Variants in FHIT observed in about 807,000 individuals in gnomAD.
FHIT encodes fragile histidine triad diadenosine triphosphatase, also known as bis(5'-adenosyl)-triphosphatase.
FHIT carries 19 observed loss-of-function variants against 17.9 expected under a neutral mutation model. The ratio of observed to expected loss-of-function variants is 1.06; its 90% CI spans 0.74 to 1.56. The LOEUF (loss-of-function observed/expected upper bound fraction) is 1.56, where lower values mean the gene tolerates loss of function less well. Ranked by LOEUF, FHIT falls within the 40% of genes most tolerant of loss-of-function variation. The probability of loss-of-function intolerance (pLI) is 0.00; values close to 1 mark genes in which losing one functional copy is unlikely to be tolerated. For missense variants in FHIT, 248 were observed against 189.2 expected, an observed-to-expected ratio of 1.31 and a Z score of -1.82; for synonymous variants, 81 against 69.7, an observed-to-expected ratio of 1.16 and a Z score of -0.81.
chr3:61,027,868 T>C (rs1035562322), intron 3 of FHIT, among the ~76,000 whole-genome samples: 1 of 152,220 alleles, frequency 6.6e-6, no homozygotes, highest in Non-Finnish European at 1.5e-5. Flanking sequence ...ACATGTTACA[T>C]GTCCTTTATA....
chr3:60,130,207 T>A (rs1289468402), intron 5 of FHIT, among the ~76,000 whole-genome samples: 1 of 152,228 alleles, frequency 6.6e-6, no homozygotes, highest in Non-Finnish European at 1.5e-5. Flanking sequence ...AGCTGTGTGA[T>A]ACGTGCCATG....
intron 5 of FHIT, among the ~76,000 whole-genome samples, chr3:60,215,307 T>C (rs1485401758): frequency 1.3e-5 from 2 of 152,060 alleles, no homozygotes. Flanking sequence ...CTGGCCAATA[T>C]GGTGAAACTA....
intron 7 of FHIT, among the ~76,000 whole-genome samples, chr3:59,947,110 T>C (rs902359861): frequency 1.3e-5 from 2 of 152,188 alleles, no homozygotes; most frequent in East Asian, 3.9e-4. Flanking sequence ...TTTATATGTC[T>C]AGTAGAATTT....
chr3:61,131,856 G>C (rs1398614972), intron 2 of FHIT, among the ~76,000 whole-genome samples: 1 of 152,136 alleles, frequency 6.6e-6, no homozygotes, highest in Non-Finnish European at 1.5e-5. Flanking sequence ...TGTCAGAACG[G>C]GATTAACAGG....
chr3:60,024,924 A>G (rs1235451778), intron 5 of FHIT, among the ~76,000 whole-genome samples: 1 of 152,218 alleles, frequency 6.6e-6, no homozygotes, highest in Non-Finnish European at 1.5e-5. Context: ...GCCACTGGGA[A>G]TATCTTTATT....
At chr3:61,104,118 G>A (rs2035921348) in intron 2 of FHIT, among the ~76,000 whole-genome samples, 1 of 152,046 alleles carries the variant, frequency 6.6e-6, no homozygotes. Flanking sequence ...CATGATGTTA[G>A]CTGGTTATTT....
At chr3:59,965,975 T>C (rs1332781911) in intron 7 of FHIT, among the ~76,000 whole-genome samples, 3 of 152,128 alleles carry the variant, frequency 2.0e-5, no homozygotes, top group Non-Finnish European at 2.9e-5. Flanking sequence ...AAGGCCTTTC[T>C]AGACTGGATG....
At chr3:59,881,917 C>T (rs1240989242) in intron 8 of FHIT, among the ~76,000 whole-genome samples, 1 of 152,082 alleles carries the variant, frequency 6.6e-6, no homozygotes. Flanking sequence ...TTAGATGAGG[C>T]AAGCTTTCTG....
At chr3:60,804,455 G>T (rs1252483326) in intron 4 of FHIT, among the ~76,000 whole-genome samples, 1 of 152,164 alleles carries the variant, frequency 6.6e-6, no homozygotes, top group Non-Finnish European at 1.5e-5. Flanking sequence ...TCAAATCCCA[G>T]CTCCACCATT....
At chr3:59,870,856 C>CGT (rs112477825) in intron 8 of FHIT, among the ~76,000 whole-genome samples, 106 of 116,180 alleles carry the variant, frequency 9.1e-4, no homozygotes, top group South Asian at 7.0e-3. Flanking sequence ...TAGTAAAGGG[C>CGT]GTGTGTGTGT....
chr3:60,240,662 A>G (rs931146882), intron 5 of FHIT, among the ~76,000 whole-genome samples: 2 of 152,194 alleles, frequency 1.3e-5, no homozygotes, highest in African/African-American at 4.8e-5. Flanking sequence ...TGATAAATGC[A>G]GAGGACTTGG....
At chr3:61,185,365 G>C (rs902943821) in intron 2 of FHIT, among the ~76,000 whole-genome samples, 10 of 152,170 alleles carry the variant, frequency 6.6e-5, no homozygotes, top group Admixed American at 4.6e-4. Flanking sequence ...TTGCAAAATA[G>C]TCAATGAGCT....
At chr3:59,808,022 T>C (rs963909513) in intron 8 of FHIT, among the ~76,000 whole-genome samples, 2 of 152,184 alleles carry the variant, frequency 1.3e-5, no homozygotes, top group Non-Finnish European at 2.9e-5. Context: ...CACCGCTACC[T>C]AGTTTCAGAA....
intron 1 of FHIT, among the ~76,000 whole-genome samples, chr3:61,229,042 C>A (rs1042030247): frequency 6.6e-6 from 1 of 152,132 alleles, no homozygotes; most frequent in African/African-American, 2.4e-5. Flanking sequence ...GGAATCAGAG[C>A]ACTAGAGTAA....
At chr3:60,311,537 G>C (rs1708947737) in intron 5 of FHIT, among the ~76,000 whole-genome samples, 1 of 152,160 alleles carries the variant, frequency 6.6e-6, no homozygotes, top group African/African-American at 2.4e-5. Context: ...TGTATATTAG[G>C]CAGGCAAAGA....
chr3:60,206,148 T>A (rs111729268), intron 5 of FHIT, among the ~76,000 whole-genome samples: 26,412 of 124,152 alleles, frequency 0.21, 2,917 homozygotes, highest in Middle Eastern at 0.31. Context: ...AAAAAAAAAA[T>A]AAATAATAAT....
At chr3:61,124,248 C>G (rs1282970091) in intron 2 of FHIT, among the ~76,000 whole-genome samples, 8 of 152,156 alleles carry the variant, frequency 5.3e-5, no homozygotes, top group African/African-American at 1.9e-4. Flanking sequence ...ATTGCCTATG[C>G]ATGAGTTCAG....
intron 2 of FHIT, among the ~76,000 whole-genome samples, chr3:61,153,328 A>G (rs574208347): frequency 5.6e-4 from 85 of 152,316 alleles, no homozygotes; most frequent in African/African-American, 1.7e-3. Flanking sequence ...GAGCATATCA[A>G]TTGTAAGATA....
intron 7 of FHIT, among the ~76,000 whole-genome samples, chr3:59,997,705 A>G (rs1050198217): frequency 2.0e-5 from 3 of 152,184 alleles, no homozygotes; most frequent in Non-Finnish European, 2.9e-5. Flanking sequence ...TTACTCTAGT[A>G]ATGTAATGAC....
Sources: gnomAD v4.1 joint callset for allele counts (sites outside exome capture counted in the v4.1 genomes callset) on GRCh38, gnomAD v4.1.1 for gene constraint, MANE v1.5 for transcripts, NCBI Gene and HGNC (gene_info 2026-07-23, HGNC 2026-07-21) for gene names.